The following ALOX5AP variants were observed in gnomAD, a reference collection of about 807,000 sequenced individuals.
ALOX5AP encodes arachidonate 5-lipoxygenase-activating protein.
Under a neutral mutation model 18.5 loss-of-function variants are expected in ALOX5AP, and 9 were observed. The observed-to-expected ratio is 0.49, with a 90% CI of 0.29 to 0.85. The LOEUF is 0.85. Ranked by LOEUF, ALOX5AP falls within the 40% of genes least tolerant of loss-of-function variation. The pLI is 0.08. For missense variants in ALOX5AP, 172 were observed against 202.5 expected (o/e 0.85, Z 0.91); for synonymous variants, 81 against 78.6 (o/e 1.03, Z -0.16).
At chr13:30,758,396 G>A (rs545341562) in intron 4 of ALOX5AP, among the ~76,000 whole-genome samples, 63 of 152,266 alleles carry the variant, frequency 4.1e-4, no homozygotes, top group African/African-American at 1.4e-3. Context: ...CTCACCAACC[G>A]AGGAGGAATT....
intron 2 of ALOX5AP, 122 bp from the exon 3 acceptor site, chr13:30,751,930 C>T (rs1325097151): frequency 1.2e-5 from 11 of 952,686 alleles, no homozygotes; most frequent in African/African-American, 3.3e-5. Flanking sequence ...AGTGGAATTA[C>T]GAATGGGATT....
At chr13:30,713,598 C>T (rs982621831) in exon 1 of ALOX5AP, 3 of 676,614 alleles carry the variant, frequency 4.4e-6, no homozygotes, top group African/African-American at 1.8e-5. Flanking sequence ...CCCACCTTTG[C>T]CCCCTCACAC....
intron 1 of ALOX5AP, among the ~76,000 whole-genome samples, chr13:30,724,399 T>G (rs1437732167): frequency 6.6e-6 from 1 of 152,210 alleles, no homozygotes; most frequent in African/African-American, 2.4e-5. Context: ...GACTGCCAGT[T>G]TTGAATGAGA....
upstream of ALOX5AP, chr13:30,735,455 A>T (rs1352952501): frequency 1.6e-6 from 2 of 1,267,828 alleles, no homozygotes; most frequent in Admixed American, 3.2e-5. Flanking sequence ...AAAAAAAAAA[A>T]AAAAGGAAGA....
Position 30,763,999 on chromosome 13 carries a change from G to A in ALOX5AP, c.379G>A (p.Val127Ile), listed in dbSNP as rs752556834. 56 of 1,613,948 alleles carry A rather than the reference G, an allele frequency of 3.5e-5. No individual in the cohort carries two copies. The highest frequency in any genetic ancestry group is 1.6e-4 in the Middle Eastern group (1 of 6,082). The change falls in exon 5 of 5, where the codon GTT becomes ATT. Residue 127 changes from valine to isoleucine, a missense_variant. Physicochemically the swap from Val to Ile is conservative, Grantham distance 29. Coordinates refer to ENST00000380490, the MANE Select transcript of ALOX5AP (RefSeq NM_001629.4). Reference sequence around the variant, plus strand: ...CATACTCTTCCTGTTCCTCATGTCCGTTGCTGGCATATTCAACTATTACCT... The same window carrying A: ...CATACTCTTCCTGTTCCTCATGTCCATTGCTGGCATATTCAACTATTACCT... ...RIILFLFLMS[V>I]AGIFNYYLIF...
intron 4 of ALOX5AP, among the ~76,000 whole-genome samples, chr13:30,758,489 G>A (rs184010795): frequency 3.9e-5 from 6 of 152,306 alleles, no homozygotes; most frequent in African/African-American, 1.4e-4. Flanking sequence ...CTCCAGCCCT[G>A]TCCGCTTAGG....
chr13:30,745,804 C>CAACA (rs1951804613), intron 2 of ALOX5AP, among the ~76,000 whole-genome samples: 1 of 152,192 alleles, frequency 6.6e-6, no homozygotes, highest in Non-Finnish European at 1.5e-5. Flanking sequence ...TTTGATGAGG[C>CAACA]AAGGTCAAAA....
At chr13:30,753,089 C>T (rs1398472958) in intron 3 of ALOX5AP, among the ~76,000 whole-genome samples, 1 of 152,196 alleles carries the variant, frequency 6.6e-6, no homozygotes, top group African/African-American at 2.4e-5. Flanking sequence ...TAGAGGTCAC[C>T]TGGCGGTGAG....
chr13:30,757,596 G>A (rs931576371), intron 4 of ALOX5AP, among the ~76,000 whole-genome samples: 3 of 152,056 alleles, frequency 2.0e-5, no homozygotes, highest in African/African-American at 4.8e-5. Flanking sequence ...CTTCTCTTTT[G>A]CCTGGCTCCC....
At chr13:30,749,245 A>G (rs1365835663) in intron 2 of ALOX5AP, among the ~76,000 whole-genome samples, 1 of 152,186 alleles carries the variant, frequency 6.6e-6, no homozygotes, top group East Asian at 1.9e-4. Context: ...TAATGAGCAA[A>G]TCCCTTAGAC....
intron 1 of ALOX5AP, among the ~76,000 whole-genome samples, chr13:30,715,030 T>A (rs544992296): frequency 1.1e-4 from 17 of 152,292 alleles, no homozygotes; most frequent in Non-Finnish European, 2.1e-4. Flanking sequence ...ATAGGAGGCT[T>A]GTCCTCTCTC....
At chr13:30,754,960 C>T (rs1455341978) in intron 3 of ALOX5AP, among the ~76,000 whole-genome samples, 2 of 152,214 alleles carry the variant, frequency 1.3e-5, no homozygotes, top group Non-Finnish European at 2.9e-5. Flanking sequence ...CCCTCAATGG[C>T]GGAAGTGTTT....
At chr13:30,728,709 G>A (rs1243474236) in intron 1 of ALOX5AP, among the ~76,000 whole-genome samples, 1 of 152,174 alleles carries the variant, frequency 6.6e-6, no homozygotes, top group Non-Finnish European at 1.5e-5. Context: ...TTAGCAGCGT[G>A]TGGTGGTGTG....
intron 4 of ALOX5AP, among the ~76,000 whole-genome samples, chr13:30,762,406 T>C (rs1237415725): frequency 1.3e-5 from 2 of 152,068 alleles, no homozygotes; most frequent in African/African-American, 4.8e-5. Context: ...CTGGCCAACA[T>C]GGTGAAACAC....
exon 1 of ALOX5AP, chr13:30,713,593 C>A: frequency 1.2e-5 from 8 of 667,122 alleles, no homozygotes; most frequent in South Asian, 9.0e-5. Context: ...TGCACCCCAC[C>A]TTTGCCCCCT....
intron 1 of ALOX5AP, among the ~76,000 whole-genome samples, chr13:30,737,466 G>A (rs557692016): frequency 1.3e-5 from 2 of 152,354 alleles, no homozygotes; most frequent in African/African-American, 4.8e-5. Context: ...TGTGGGACAA[G>A]TGGGAGGTAG....
At chr13:30,734,384 C>T (rs1415330048), upstream of ALOX5AP, among the ~76,000 whole-genome samples, 7 of 152,240 alleles carry the variant, frequency 4.6e-5, no homozygotes, top group African/African-American at 1.7e-4. Context: ...TGCCGAGATG[C>T]AGCCCTCCCT....
At chr13:30,713,712 C>T (rs1018720057) in exon 1 of ALOX5AP, 1 of 1,504,058 alleles carries the variant, frequency 6.6e-7, no homozygotes, top group South Asian at 1.2e-5. Context: ...CTCCAGAAGT[C>T]AACAGAAACA....
At chr13:30,727,060 C>CT (rs35918047) in intron 1 of ALOX5AP, among the ~76,000 whole-genome samples, 302 of 141,790 alleles carry the variant, frequency 2.1e-3, no homozygotes, top group Non-Finnish European at 1.9e-3. Context: ...ATGATTTTGC[C>CT]TTTTTTTTTT....
Sources: gnomAD v4.1 joint callset for allele counts (sites outside exome capture counted in the v4.1 genomes callset) on GRCh38, gnomAD v4.1.1 for gene constraint, MANE v1.5 for transcripts, NCBI Gene and HGNC (gene_info 2026-07-23, HGNC 2026-07-21) for gene names.